IFT74: variants seen among roughly 807,000 people sequenced by gnomAD.
The protein encoded by IFT74 is intraflagellar transport protein 74 homolog.
IFT74 carries 92 observed loss-of-function variants against 96.7 expected under a neutral mutation model. That is an observed-to-expected ratio of 0.95 (90% confidence interval 0.80 to 1.13). IFT74 has a LOEUF of 1.13. IFT74 is among the 50% of genes most tolerant of loss of function. The pLI is 0.00. For missense variants in IFT74, 811 were observed against 698.2 expected, an observed-to-expected ratio of 1.16 and a Z score of -1.82; for synonymous variants, 223 against 213.2, an observed-to-expected ratio of 1.05 and a Z score of -0.40.
At chr9:26,970,084 G>A (rs1413259241) in intron 2 of IFT74, among the ~76,000 whole-genome samples, 1 of 151,594 alleles carries the variant, frequency 6.6e-6, no homozygotes, top group African/African-American at 2.4e-5. Flanking sequence ...GATTGTCTTT[G>A]TAGGTGACTA....
chr9:27,036,456 C>G, intron 13 of IFT74: 1 of 1,613,476 alleles, frequency 6.2e-7, no homozygotes, highest in Non-Finnish European at 8.5e-7. Context: ...GCAGATCCTA[C>G]CAACTATGGA....
At chr9:27,034,540 T>G (rs953875278) in intron 13 of IFT74, among the ~76,000 whole-genome samples, 5 of 152,314 alleles carry the variant, frequency 3.3e-5, no homozygotes, top group African/African-American at 1.2e-4. Context: ...TTTATTTATG[T>G]ATTTTGAGAC....
chr9:27,036,428 C>A, intron 13 of IFT74: 1 of 1,611,912 alleles, frequency 6.2e-7, no homozygotes, highest in Non-Finnish European at 8.5e-7. Context: ...ATTCTTTGTA[C>A]CCACGGGTTC....
intron 1 of IFT74, among the ~76,000 whole-genome samples, chr9:26,949,741 C>T (rs1825873648): frequency 6.6e-6 from 1 of 152,014 alleles, no homozygotes; most frequent in Admixed American, 6.6e-5. Flanking sequence ...GGTTGGTGGG[C>T]AGGAGGCTAG....
chr9:27,029,992 G>C (rs1269350880), intron 13 of IFT74, among the ~76,000 whole-genome samples: 1 of 152,010 alleles, frequency 6.6e-6, no homozygotes. Flanking sequence ...GGGAGCTTGG[G>C]GTTTGACTAT....
intron 14 of IFT74, 112 bp from the exon 15 acceptor site, chr9:27,047,162 C>T: frequency 3.4e-6 from 2 of 596,656 alleles, no homozygotes; most frequent in Non-Finnish European, 5.8e-6. Context: ...CAGAGTGAGA[C>T]TCTGTCTCAA....
In IFT74 at chr9:26,961,022, C is replaced by A. The variant is rs1348956106; in HGVS notation, c.-19-927C>A. Among the ~76,000 whole-genome samples the A allele has an allele frequency of 2.7e-5, 4 of 148,390 alleles. No individual in the cohort carries two copies. In the Admixed American group the frequency reaches 2.7e-4, roughly 10 times the overall value. ...AGATTAGGAAGTCACTAATTACCAGCAACCAGGAAAGATCAAGGCAATATT... is the reference window on the plus strand; with the variant it reads ...AGATTAGGAAGTCACTAATTACCAGAAACCAGGAAAGATCAAGGCAATATT... On this transcript the variant is annotated intron_variant, in intron 1 of 19. Coordinates refer to ENST00000380062, the MANE Select transcript of IFT74 (RefSeq NM_025103.4).
intron 8 of IFT74, among the ~76,000 whole-genome samples, chr9:27,004,969 C>T (rs1828694918): frequency 6.6e-6 from 1 of 151,970 alleles, no homozygotes; most frequent in South Asian, 2.1e-4. Context: ...TTATTATATG[C>T]TATGAAATAA....
chr9:27,030,190 G>T (rs1472605755), intron 13 of IFT74, among the ~76,000 whole-genome samples: 5 of 152,136 alleles, frequency 3.3e-5, no homozygotes, highest in Admixed American at 2.6e-4. Flanking sequence ...ATCAAGAATT[G>T]ATTGTATATT....
Position 27,011,959 on chromosome 9 carries a change from C to T in IFT74, c.780C>T (p.Ser260=), listed in dbSNP as rs1829102186. ...ATTCACAGAACATGAAAAAAGAGAG[C>T]CTGGAAGCAGTAAGTATAAAATCAA... The part of the protein sequence containing the change: ...QLDSQNMKKE[S]LEAEIAHSQV... Residue 260 remains serine (S), a synonymous_variant, in exon 10 of 20, where the codon AGC becomes AGT. Transcript: ENST00000380062. 2 of 1,579,940 alleles carry T rather than the reference C, an allele frequency of 1.3e-6. No homozygotes were observed. Among genetic ancestry groups the T allele is most frequent in the Non-Finnish European group, 8.6e-7 (1 of 1,163,474 alleles).
At chr9:26,953,223 A>G (rs774247254), upstream of IFT74, among the ~76,000 whole-genome samples, 1 of 152,188 alleles carries the variant, frequency 6.6e-6, no homozygotes, top group Admixed American at 6.5e-5. Context: ...TCAGGTTAAA[A>G]TAATATTTTT....
In IFT74 at chr9:27,047,380, C is replaced by T. The variant is rs370971691; in HGVS notation, c.1206+9C>T. 1.7e-5 allele frequency: 27 copies of T among 1,549,540 alleles called. No homozygotes were observed. Among genetic ancestry groups the T allele is most frequent in the Non-Finnish European group, 2.3e-5 (26 of 1,129,328 alleles). ...TGGAGCACTGCAGTCGAGTGAGTAC[C>T]ATGTGCCTGTCTTGGTGTCCTCTTT... On this transcript the variant is annotated intron_variant, in intron 15 of 19. Coordinates refer to ENST00000380062, the MANE Select transcript of IFT74 (RefSeq NM_025103.4).
At chr9:27,031,732 T>TAAAATA (rs1352788286) in intron 13 of IFT74, among the ~76,000 whole-genome samples, 3 of 127,948 alleles carry the variant, frequency 2.3e-5, no homozygotes, top group Admixed American at 8.6e-5. Flanking sequence ...AATAAAATAA[T>TAAAATA]AAATAAAATA....
intron 2 of IFT74, among the ~76,000 whole-genome samples, chr9:26,975,937 C>G (rs1178002771): frequency 6.6e-6 from 1 of 152,020 alleles, no homozygotes; most frequent in African/African-American, 2.4e-5. Context: ...CGGGACCGTG[C>G]AGATAGGACC....
At chr9:26,983,585 G>T (rs890180012) in intron 4 of IFT74, among the ~76,000 whole-genome samples, 2 of 152,124 alleles carry the variant, frequency 1.3e-5, no homozygotes, top group Admixed American at 6.5e-5. Context: ...TAGTGCTACT[G>T]TTGAGAAACT....
At chr9:27,026,185 A>C (rs1829853400) in intron 12 of IFT74, among the ~76,000 whole-genome samples, 1 of 152,238 alleles carries the variant, frequency 6.6e-6, no homozygotes, top group South Asian at 2.1e-4. Context: ...AGGAGTAGCT[A>C]TTCTTATATT....
chr9:27,052,027 T>C (rs1819940969), intron 16 of IFT74, among the ~76,000 whole-genome samples: 1 of 152,246 alleles, frequency 6.6e-6, no homozygotes, highest in African/African-American at 2.4e-5. Context: ...CATGCCTAAG[T>C]TTTTCATTTA....
At position 27,009,108 on chromosome 9, in the gene IFT74, A is replaced by G; in HGVS notation, c.676A>G (p.Asn226Asp). 6.2e-7 allele frequency: 1 copy of G among 1,613,392 alleles called. No individual in the cohort carries two copies. Among genetic ancestry groups the G allele is most frequent in the Admixed American group, 1.7e-5 (1 of 60,022 alleles). ...DDIIKNMSFE[N>D]QVKYLEMKTT... is the part of the protein sequence containing the mutation. ...CATTATCAAAAATATGTCTTTTGAA[A>G]ACCAAGTCAAGTACCTAGAGATGAA... is the stretch of plus-strand genomic sequence containing the variant. Residue 226 changes from asparagine (N) to aspartate (D), a missense_variant, in exon 9 of 20, where the codon AAC becomes GAC. Coordinates refer to ENST00000380062, the MANE Select transcript of IFT74 (RefSeq NM_025103.4).
intron 8 of IFT74, chr9:26,993,541 T>A (rs760138937): frequency 3.3e-5 from 5 of 152,602 alleles, no homozygotes; most frequent in Non-Finnish European, 7.4e-5. Context: ...TAGACATTTG[T>A]ATTGAATTTA....
Sources: allele counts gnomAD v4.1 joint callset (sites outside exome capture counted in the v4.1 genomes callset), GRCh38; gene constraint gnomAD v4.1.1; transcripts MANE v1.5; gene names NCBI Gene and HGNC (gene_info 2026-07-23, HGNC 2026-07-21).